MGRN1: variants seen among roughly 807,000 people sequenced by gnomAD.
MGRN1 encodes mahogunin ring finger 1.
In MGRN1, 29 loss-of-function variants were observed where a neutral mutation model predicts 69.2. The observed-to-expected ratio is 0.42, with a 90% confidence interval of 0.31 to 0.57. The LOEUF (loss-of-function observed/expected upper bound fraction) is 0.57. Ranked by LOEUF, MGRN1 falls within the 20% of genes least tolerant of loss-of-function variation. MGRN1 has a pLI of 0.15. For missense variants in MGRN1, 998 were observed against 796.2 expected, an observed-to-expected ratio of 1.25 and a Z score of -3.05; for synonymous variants, 470 against 344.2, an observed-to-expected ratio of 1.37 and a Z score of -4.04.
rs563339695 is a variant in MGRN1, at chr16:4,672,340, G to A, written c.795+881G>A. On this transcript the variant is annotated intron_variant, in intron 9 of 16. Transcript: ENST00000262370. ...GGGATTTCAGGCCTGAGACCACCAC[G>A]CCTGGTCGATGAACTTGTTAAAAGG... is the stretch of plus-strand genomic sequence containing the variant. 12 of 456,654 alleles carry A rather than the reference G, an allele frequency of 2.6e-5. No homozygotes were observed. The East Asian group carries it at 5.6e-4, about 21-fold the overall frequency. The allele number at this position is 456,654 out of a possible 1,614,324, so 28.3% of individuals were successfully genotyped here. A position where few individuals can be genotyped will look rare whatever the true frequency, so the allele number is the denominator to read the frequency against.
chr16:4,648,382 C>A (rs2078321872), intron 1 of MGRN1, among the ~76,000 whole-genome samples: 1 of 128,088 alleles, frequency 7.8e-6, no homozygotes, highest in Non-Finnish European at 1.6e-5. Flanking sequence ...CTCCCGGGGA[C>A]TCTTCCCGTG....
intron 1 of MGRN1, among the ~76,000 whole-genome samples, chr16:4,637,669 G>C (rs1398868858): frequency 6.6e-6 from 1 of 152,246 alleles, no homozygotes; most frequent in African/African-American, 2.4e-5. Context: ...TTCGGCTCCA[G>C]CCTCAGCGCC....
rs972314165 is a variant in MGRN1, at chr16:4,683,920, A to T, written c.1606A>T (p.Ile536Phe). ...EHCGRGPPAD[I>F]YLPGRPTSME... is the part of the protein sequence containing the mutation. Reference sequence around the variant, plus strand: ...CTGTGGCCGAGGCCCACCTGCTGACATCTACCTGCCAGGTAAGGGGCTGGG... The same window carrying T: ...CTGTGGCCGAGGCCCACCTGCTGACTTCTACCTGCCAGGTAAGGGGCTGGG... The change falls in exon 16 of 17, where the codon ATC becomes TTC. Residue 536 changes from isoleucine to phenylalanine, a missense_variant. Coordinates refer to ENST00000262370, the MANE Select transcript of MGRN1 (RefSeq NM_015246.4). 3.9e-6 allele frequency: 6 copies of T among 1,556,236 alleles called. No individual in the cohort carries two copies. The highest frequency in any genetic ancestry group is 1.4e-5 in the African/African-American group (1 of 73,248).
At chr16:4,683,427 G>T (rs574678359) in intron 15 of MGRN1, among the ~76,000 whole-genome samples, 158 bp downstream of exon 15, 18 of 152,342 alleles carry the variant, frequency 1.2e-4, no homozygotes, top group Non-Finnish European at 1.6e-4. Context: ...GATCCCGGCT[G>T]GGAGGGACTG....
chr16:4,653,373 T>G (rs759877291), intron 4 of MGRN1, among the ~76,000 whole-genome samples: 1 of 152,212 alleles, frequency 6.6e-6, no homozygotes, highest in African/African-American at 2.4e-5. Flanking sequence ...TTTCAGGGCC[T>G]TTTCTGGAGG....
intron 11 of MGRN1, among the ~76,000 whole-genome samples, chr16:4,678,570 G>C (rs892808771): frequency 6.6e-6 from 1 of 152,142 alleles, no homozygotes; most frequent in Non-Finnish European, 1.5e-5. Context: ...GGGTGAGAGA[G>C]ATGTGGAGAG....
intron 1 of MGRN1, among the ~76,000 whole-genome samples, chr16:4,638,477 A>T (rs1322408999): frequency 1.3e-5 from 2 of 150,664 alleles, no homozygotes; most frequent in Non-Finnish European, 3.0e-5. Flanking sequence ...AAAAAAAAAT[A>T]AATAAATATC....
In MGRN1 at chr16:4,688,146, T is replaced by C. The variant is rs2079375873; in HGVS notation, c.1619-650T>C. On this transcript the variant is annotated intron_variant, in intron 16 of 16. Transcript: ENST00000262370. ...GGCCGTGTCTGCTGGGAGCCATGTG[T>C]CAGGGCTGGTGGCTGGGTGTCAGGC... 5.1e-6 allele frequency: 5 copies of C among 985,526 alleles called. No homozygotes were observed. In the South Asian group the frequency reaches 2.3e-4, roughly 46 times the overall value. 61.0% of individuals were successfully genotyped at this position (985,526 alleles called of 1,614,324 possible).
chr16:4,631,058 G>A (rs1897978013), intron 1 of MGRN1, among the ~76,000 whole-genome samples: 1 of 152,030 alleles, frequency 6.6e-6, no homozygotes, highest in South Asian at 2.1e-4. Flanking sequence ...CTGGACTCAA[G>A]CAATCTGCCC....
At position 4,684,443 on chromosome 16, in the gene MGRN1, G is replaced by A. The variant is rs1174902150; in HGVS notation, c.1618+511G>A. 2.6e-5 allele frequency among the ~76,000 whole-genome samples: 4 copies of A among 152,230 alleles called. No homozygotes were observed. The South Asian group carries it at 6.2e-4, about 24-fold the overall frequency. ...CGCTGTGCTGGGTAGCGGGGGCCCT[G>A]GGCCACAGAGCGCAGGGGCAGTGTC... On this transcript the variant is annotated intron_variant, in intron 16 of 16. Transcript: ENST00000262370.
At chr16:4,635,509 G>C (rs945026769) in intron 1 of MGRN1, among the ~76,000 whole-genome samples, 1 of 151,008 alleles carries the variant, frequency 6.6e-6, no homozygotes, top group East Asian at 1.9e-4. Flanking sequence ...TTGCTCTGTC[G>C]CCCAGGCTGG....
chr16:4,674,055 G>A (rs1391692592), intron 10 of MGRN1, among the ~76,000 whole-genome samples: 2 of 152,190 alleles, frequency 1.3e-5, no homozygotes, highest in African/African-American at 4.8e-5. Flanking sequence ...CGAGTTCTCA[G>A]CTTACTGTAA....
chr16:4,684,492 C>G (rs1447201628), intron 16 of MGRN1, among the ~76,000 whole-genome samples: 1 of 152,224 alleles, frequency 6.6e-6, no homozygotes, highest in Non-Finnish European at 1.5e-5. Context: ...TGCCCCGGGC[C>G]TGACAGAGGC....
At chr16:4,625,818 C>G (rs956483593) in intron 1 of MGRN1, among the ~76,000 whole-genome samples, 1 of 152,208 alleles carries the variant, frequency 6.6e-6, no homozygotes, top group Non-Finnish European at 1.5e-5. Flanking sequence ...GTCTCACCCT[C>G]CATCTCCTCG....
chr16:4,665,064 C>T (rs1233431711), intron 6 of MGRN1, 38 bp from the exon 7 acceptor site: 1 of 1,612,710 alleles, frequency 6.2e-7, no homozygotes, highest in East Asian at 2.2e-5. Flanking sequence ...GTGGGGCAGG[C>T]CCCGACTCTG....
At chr16:4,664,407 T>G in intron 5 of MGRN1, 2 of 420,776 alleles carry the variant, frequency 4.8e-6, no homozygotes, top group East Asian at 4.6e-5. Flanking sequence ...GGGTTTCCGT[T>G]TGGGGTGATG....
rs527614292 is a variant in MGRN1 at position 4,677,194 on chromosome 16, G to GC, written c.956-268dup. The GC allele has an allele frequency of 2.8e-3, 971 of 351,200 alleles. 2 individuals carry two copies. The highest frequency in any genetic ancestry group is 5.3e-3 in the Middle Eastern group (7 of 1,310). The allele number at this position is 351,200 out of a possible 1,614,324, so 21.8% of individuals were successfully genotyped here. ...GGGCCATTTCATTAATACTGTGTTT[G>GC]CGGGAGTTCTGTCTCTCGTCTTTGG... On this transcript the variant is annotated intron_variant, in intron 10 of 16. Coordinates refer to ENST00000262370, the MANE Select transcript of MGRN1 (RefSeq NM_015246.4).
At chr16:4,654,604 G>C (rs1373880880) in intron 4 of MGRN1, among the ~76,000 whole-genome samples, 1 of 152,240 alleles carries the variant, frequency 6.6e-6, no homozygotes, top group Non-Finnish European at 1.5e-5. Flanking sequence ...TGAGAGCCTA[G>C]GCTTTGAATG....
chr16:4,679,928 C>A, intron 11 of MGRN1, 104 bp from the exon 12 acceptor site: 1 of 1,095,870 alleles, frequency 9.1e-7, no homozygotes, highest in Non-Finnish European at 1.3e-6. Flanking sequence ...TTGTGAAGTT[C>A]TGCGCCACGG....
Sources: gnomAD v4.1 joint callset for allele counts (sites outside exome capture counted in the v4.1 genomes callset) on GRCh38, gnomAD v4.1.1 for gene constraint, MANE v1.5 for transcripts, NCBI Gene and HGNC (gene_info 2026-07-23, HGNC 2026-07-21) for gene names.